Variants in INCENP observed in about 807,000 individuals in gnomAD.
The protein encoded by INCENP is binds and activates aurora-B and -C in vivo and in vitro.
INCENP carries 43 observed loss-of-function variants against 107.3 expected under a neutral mutation model. That is an observed-to-expected ratio of 0.40 (90% CI 0.31 to 0.52). The LOEUF (loss-of-function observed/expected upper bound fraction) is 0.52, where lower values mean the gene tolerates loss of function less well. INCENP is among the 20% of genes least tolerant of loss of function. The pLI, the probability that INCENP is intolerant of heterozygous loss-of-function variation, is 0.53. For missense variants in INCENP, 1,089 were observed against 1,250.9 expected (o/e 0.87, Z 1.95); for synonymous variants, 488 against 494.4 (o/e 0.99, Z 0.17).
chr11:62,144,880 C>T (rs1386326565), intron 11 of INCENP, 102 bp from the exon 12 acceptor site: 18 of 1,019,474 alleles, frequency 1.8e-5, no homozygotes, highest in Non-Finnish European at 2.6e-5. Flanking sequence ...GATGCTGCCA[C>T]CCACGTGGCT....
chr11:62,148,416 G>T, intron 15 of INCENP, 60 bp from the exon 16 acceptor site: 1 of 1,503,886 alleles, frequency 6.6e-7, no homozygotes, highest in South Asian at 1.2e-5. Context: ...GCAGGGATGG[G>T]AACAGGGCTT....
At chr11:62,142,987 GCTT>G in intron 11 of INCENP, among the ~76,000 whole-genome samples, 1 of 152,314 alleles carries the variant, frequency 6.6e-6, no homozygotes, top group South Asian at 2.1e-4. Context: ...TGCTTTGTGT[GCTT>G]CTACGACTGT....
intron 9 of INCENP, 35 bp downstream of exon 9, chr11:62,140,856 ACCCCCTTCAGTACCCTGC>A: frequency 6.2e-7 from 1 of 1,611,316 alleles, no homozygotes; most frequent in African/African-American, 1.3e-5. Flanking sequence ...TGGAGCCCTG[ACCCCCTTCAGTACCCTGC>A]CCCGCCTGCC....
At chr11:62,125,637 G>A (rs897843981) in intron 1 of INCENP, among the ~76,000 whole-genome samples, 1 of 152,258 alleles carries the variant, frequency 6.6e-6, no homozygotes, top group Non-Finnish European at 1.5e-5. Flanking sequence ...ACATGTGTTG[G>A]TCAGTTCTAA....
rs1205433021 is a variant in INCENP at position 62,152,721 on chromosome 11, G to T, written c.*745G>T. 6.6e-6 allele frequency: 1 copy of T among 152,276 alleles called. No homozygotes were observed. The highest frequency in any genetic ancestry group is 1.5e-5 in the Non-Finnish European group (1 of 68,126). The allele number at this position is 152,276 out of a possible 1,614,324, so 9.4% of individuals were successfully genotyped here. On this transcript the variant is annotated 3_prime_UTR_variant, in exon 19 of 19. Coordinates refer to ENST00000394818, the MANE Select transcript of INCENP (RefSeq NM_001040694.2). ...CAAATGGACTTGAGAGCATCTATGT[G>T]CTGGTGAAGCATGAGGTCTGAGTAG... is the stretch of plus-strand genomic sequence containing the variant.
intron 17 of INCENP, 29 bp downstream of exon 17, chr11:62,148,875 C>A: frequency 6.7e-7 from 1 of 1,485,212 alleles, no homozygotes; most frequent in Non-Finnish European, 9.3e-7. Flanking sequence ...TGGAGAGGCT[C>A]TCAGGTGGAG....
chr11:62,146,618 T>G, intron 14 of INCENP, 40 bp from the exon 15 acceptor site: 2 of 1,548,302 alleles, frequency 1.3e-6, no homozygotes, highest in African/African-American at 1.4e-5. Context: ...CTCTCTGGCC[T>G]GGGCCTGGCC....
chr11:62,128,968 G>C lies in INCENP; in HGVS notation c.254+85G>C. 4 of 925,158 alleles carry C rather than the reference G, an allele frequency of 4.3e-6. No individual in the cohort carries two copies. The South Asian group carries it at 5.5e-5, about 13-fold the overall frequency. The allele number at this position is 925,158 out of a possible 1,614,324, so 57.3% of individuals were successfully genotyped here. A position where few individuals can be genotyped will look rare whatever the true frequency, so the allele number is the denominator to read the frequency against. On this transcript the variant is annotated intron_variant, in intron 3 of 18. Coordinates refer to ENST00000394818, the MANE Select transcript of INCENP (RefSeq NM_001040694.2). ...CTGGGAGTTTGATTCTGAAGGTGTTGATTTGGAAGTAGCAGCCTGTAGGAG... is the reference window on the plus strand; with the variant it reads ...CTGGGAGTTTGATTCTGAAGGTGTTCATTTGGAAGTAGCAGCCTGTAGGAG...
At chr11:62,134,183 A>G (rs1041270239) in intron 4 of INCENP, among the ~76,000 whole-genome samples, 2 of 152,018 alleles carry the variant, frequency 1.3e-5, no homozygotes, top group Non-Finnish European at 2.9e-5. Flanking sequence ...TCCTGTTTTT[A>G]ATGATTAAGC....
intron 15 of INCENP, among the ~76,000 whole-genome samples, chr11:62,147,278 C>A (rs1944271789): frequency 6.6e-6 from 1 of 152,154 alleles, no homozygotes; most frequent in Admixed American, 6.5e-5. Flanking sequence ...TGGCCCCTGT[C>A]CCCACTAAAT....
rs150581418 is a variant in INCENP, at chr11:62,131,739, G to A, written c.1063+1149G>A. Among the ~76,000 whole-genome samples, 185 of 152,148 alleles carry A rather than the reference G, an allele frequency of 1.2e-3. 1 individual carries two copies. The highest frequency in any genetic ancestry group is 4.0e-3 in the African/African-American group (165 of 41,514). On this transcript the variant is annotated intron_variant, in intron 4 of 18. Coordinates refer to ENST00000394818, the MANE Select transcript of INCENP (RefSeq NM_001040694.2). ...TGCTGTAAGGATGCAGGCAGAGGAC[G>A]GGCAAAGCAGCGGATTGGTGGCGAG...
At chr11:62,142,855 T>A (rs563838831) in intron 11 of INCENP, among the ~76,000 whole-genome samples, 102 of 152,304 alleles carry the variant, frequency 6.7e-4, no homozygotes, top group African/African-American at 2.4e-3. Flanking sequence ...GATCCTAGCA[T>A]CTGCAGCTTA....
Position 62,140,688 on chromosome 11 carries a change from G to A in INCENP, c.1344-16G>A, listed in dbSNP as rs770707242. 30 of 1,547,198 alleles carry A rather than the reference G, an allele frequency of 1.9e-5. No homozygotes were observed. The highest frequency in any genetic ancestry group is 4.6e-4 in the Middle Eastern group (2 of 4,394). ...TGGCGGGCTGCCCTGTGATGCCGCC[G>A]CCCGCGCCTTGGCAGGAGGAAGCGC... On this transcript the variant is annotated splice_polypyrimidine_tract_variant and intron_variant, in intron 8 of 18. Coordinates refer to ENST00000394818, the MANE Select transcript of INCENP (RefSeq NM_001040694.2).
chr11:62,130,317 C>T lies in INCENP; in HGVS notation c.790C>T (p.Pro264Ser), dbSNP rs1175850399. The change falls in exon 4 of 19, where the codon CCT (proline) becomes TCT (serine). Residue 264 changes from proline (P) to serine (S), a missense_variant. By Grantham distance (74) the Pro-to-Ser change is moderately conservative. Transcript: ENST00000394818. ...ASKLRIAQVS[P>S]GPRDSPAFPD... ...TAAGCTCAGGATTGCGCAGGTCTCC[C>T]CTGGCCCACGGGACTCGCCAGCCTT... 2 of 1,611,616 alleles carry T rather than the reference C, an allele frequency of 1.2e-6. No individual in the cohort carries two copies. The highest frequency in any genetic ancestry group is 1.1e-5 in the South Asian group (1 of 91,082).
chr11:62,128,433 A>C, intron 2 of INCENP, 132 bp downstream of exon 2: 6 of 959,210 alleles, frequency 6.3e-6, no homozygotes, highest in Non-Finnish European at 9.5e-6. Flanking sequence ...CCTGCTGTAT[A>C]CTGTGTGTGC....
Position 62,151,897 on chromosome 11 carries a change from G to C in INCENP, c.2678G>C (p.Ser893Thr). Residue 893 changes from serine to threonine, a missense_variant, in exon 19 of 19, where the codon AGC (serine) becomes ACC (threonine). Physicochemically the swap from Ser to Thr is moderately conservative, Grantham distance 58. Coordinates refer to ENST00000394818, the MANE Select transcript of INCENP (RefSeq NM_001040694.2). ...AAGCCCCGCTATCACAAGCGCACCA[G>C]CTCTGCTGTCTGGAACTCACCGCCC... ...KSKPRYHKRT[S>T]SAVWNSPPLQ... The C allele has an allele frequency of 6.2e-7, 1 of 1,614,062 alleles. No homozygotes were observed. The highest frequency in any genetic ancestry group is 8.5e-7 in the Non-Finnish European group (1 of 1,180,044).
At position 62,130,209 on chromosome 11, in the gene INCENP, C is replaced by A. The variant is rs767004433; in HGVS notation, c.682C>A (p.Leu228Met). Residue 228 changes from leucine to methionine, a missense_variant, in exon 4 of 19, where the codon CTG becomes ATG. Leu to Met is a conservative substitution (Grantham distance 15). Transcript: ENST00000394818. ...STPKKSKARI[L>M]ESITVSSLMA... ...ACCTAAGAAGTCGAAGGCCAGGATA[C>A]TGGAGTCCATCACAGTGAGCTCCCT... The A allele has an allele frequency of 1.9e-5, 31 of 1,613,876 alleles. 1 individual carries two copies. The East Asian group carries it at 6.9e-4, about 36-fold the overall frequency.
rs750713807 is a variant in INCENP, at chr11:62,151,917, C to T, written c.2698C>T (p.Pro900Ser). The change falls in exon 19 of 19, where the codon CCG becomes TCG. Residue 900 changes from proline to serine, a missense_variant. Physicochemically the swap from Pro to Ser is moderately conservative, Grantham distance 74. Coordinates refer to ENST00000394818, the MANE Select transcript of INCENP (RefSeq NM_001040694.2). ...KRTSSAVWNS[P>S]PLQGARVPSS... ...CACCAGCTCTGCTGTCTGGAACTCA[C>T]CGCCCCTGCAGGGCGCCAGGGTCCC... The T allele has an allele frequency of 2.1e-5, 34 of 1,613,598 alleles. No homozygotes were observed. The South Asian group carries it at 3.4e-4, about 16-fold the overall frequency.
At chr11:62,146,241 G>A (rs1314274915) in intron 14 of INCENP, among the ~76,000 whole-genome samples, 1 of 152,170 alleles carries the variant, frequency 6.6e-6, no homozygotes, top group Non-Finnish European at 1.5e-5. Context: ...CACCATTAGG[G>A]GTTATGTGAC....
Sources: gnomAD v4.1 joint callset for allele counts (sites outside exome capture counted in the v4.1 genomes callset) on GRCh38, gnomAD v4.1.1 for gene constraint, MANE v1.5 for transcripts, NCBI Gene and HGNC (gene_info 2026-07-23, HGNC 2026-07-21) for gene names.